MOXD1: variants seen among roughly 807,000 people sequenced by gnomAD.
The protein encoded by MOXD1 is DBH-like monooxygenase protein 1.
A neutral mutation model predicts 66.6 loss-of-function variants in MOXD1; 62 were observed. The observed-to-expected ratio is 0.93, with a 90% CI of 0.76 to 1.15. The LOEUF is 1.15. Among genes scored for constraint, MOXD1 ranks in the 50% most tolerant of loss-of-function variants. The pLI, the probability that MOXD1 is intolerant of heterozygous loss-of-function variation, is 0.00. For synonymous variants in MOXD1, 303 were observed against 281.9 expected (o/e 1.07, Z -0.75); for missense variants, 847 against 754.6 (o/e 1.12, Z -1.44).
intron 1 of MOXD1, among the ~76,000 whole-genome samples, chr6:132,383,777 A>T (rs1375045921): frequency 6.6e-6 from 1 of 152,194 alleles, no homozygotes; most frequent in Admixed American, 6.5e-5. Flanking sequence ...TTTTTAAAAA[A>T]TTTGGATGAT....
At chr6:132,363,794 C>A (rs1489647074) in intron 4 of MOXD1, among the ~76,000 whole-genome samples, 1 of 152,146 alleles carries the variant, frequency 6.6e-6, no homozygotes, top group Non-Finnish European at 1.5e-5. Flanking sequence ...TACTTCCTTG[C>A]ATGTAAGTAA....
At chr6:132,386,228 C>G (rs1265345009) in intron 1 of MOXD1, among the ~76,000 whole-genome samples, 5 of 146,412 alleles carry the variant, frequency 3.4e-5, no homozygotes, top group Admixed American at 2.1e-4. Flanking sequence ...CGGTGAAACC[C>G]CGTCTCTACT....
intron 4 of MOXD1, among the ~76,000 whole-genome samples, chr6:132,347,409 G>A (rs1775688528): frequency 6.6e-6 from 1 of 152,172 alleles, no homozygotes; most frequent in Admixed American, 6.5e-5. Flanking sequence ...GGGTGTAGTG[G>A]CTCACATCTG....
intron 4 of MOXD1, among the ~76,000 whole-genome samples, chr6:132,348,752 T>C (rs1465275238): frequency 1.3e-5 from 2 of 152,174 alleles, no homozygotes; most frequent in Non-Finnish European, 2.9e-5. Flanking sequence ...GCCAATCTCT[T>C]TTCTTGGCAG....
chr6:132,333,663 C>T (rs1445486427), intron 4 of MOXD1, among the ~76,000 whole-genome samples: 1 of 152,120 alleles, frequency 6.6e-6, no homozygotes, highest in South Asian at 2.1e-4. Flanking sequence ...GGAGGCAAGA[C>T]ACAAACATGG....
chr6:132,305,956 TC>T (rs1319881076), intron 10 of MOXD1, among the ~76,000 whole-genome samples: 1 of 152,078 alleles, frequency 6.6e-6, no homozygotes, highest in African/African-American at 2.4e-5. Flanking sequence ...GTGCCTCTTC[TC>T]CTCCAAATGA....
chr6:132,300,466 A>G (rs1774507379), intron 10 of MOXD1, among the ~76,000 whole-genome samples: 2 of 152,202 alleles, frequency 1.3e-5, no homozygotes, highest in South Asian at 4.1e-4. Flanking sequence ...AATCAATTTT[A>G]TAACCAGATA....
At chr6:132,350,365 C>A (rs887857611) in intron 4 of MOXD1, among the ~76,000 whole-genome samples, 1 of 152,138 alleles carries the variant, frequency 6.6e-6, no homozygotes, top group Non-Finnish European at 1.5e-5. Context: ...ATCTCAGCAC[C>A]ATTTGTTGAA....
At chr6:132,349,569 G>C (rs1460975867) in intron 4 of MOXD1, among the ~76,000 whole-genome samples, 1 of 150,070 alleles carries the variant, frequency 6.7e-6, no homozygotes, top group Non-Finnish European at 1.5e-5. Flanking sequence ...TGCGAAATGT[G>C]CCGCTATAAA....
rs117648836 is a variant in MOXD1, at chr6:132,374,177, A to G, written c.411+454T>C. On this transcript the variant is annotated intron_variant, in intron 2 of 11. Coordinates refer to ENST00000367963, the MANE Select transcript of MOXD1 (RefSeq NM_015529.4). ...ATAAGAAATCTCATTTAATATACCAATAGGCAATTATAATCAGCCACCTAT... is the reference window on the plus strand; with the variant it reads ...ATAAGAAATCTCATTTAATATACCAGTAGGCAATTATAATCAGCCACCTAT... 5.4e-3 allele frequency among the ~76,000 whole-genome samples: 816 copies of G among 152,358 alleles called. 5 individuals are homozygous for G. The highest frequency in any genetic ancestry group is 9.4e-3 in the Non-Finnish European group (640 of 68,016).
intron 1 of MOXD1, 43 bp downstream of exon 1, chr6:132,401,120 G>C (rs1198603554): frequency 1.6e-5 from 24 of 1,458,128 alleles, no homozygotes; most frequent in Non-Finnish European, 2.1e-5. Context: ...GTCCGGACGG[G>C]ACCGGGCTCG....
At chr6:132,359,481 TC>T (rs1356154763) in intron 4 of MOXD1, among the ~76,000 whole-genome samples, 1 of 148,664 alleles carries the variant, frequency 6.7e-6, no homozygotes, top group Non-Finnish European at 1.5e-5. Flanking sequence ...GTTTTTTTTT[TC>T]TTTTTCTTTT....
chr6:132,384,234 C>T (rs1419975558), intron 1 of MOXD1, among the ~76,000 whole-genome samples: 1 of 111,174 alleles, frequency 9.0e-6, no homozygotes, highest in Admixed American at 9.2e-5. Context: ...TCCTTCCTCC[C>T]TCCCTCTCTT....
At chr6:132,349,780 A>G (rs1775766456) in intron 4 of MOXD1, among the ~76,000 whole-genome samples, 1 of 151,586 alleles carries the variant, frequency 6.6e-6, no homozygotes, top group Admixed American at 6.6e-5. Context: ...CCACACCAAC[A>G]TCTCCTGTTT....
chr6:132,389,674 T>G (rs953267714), intron 1 of MOXD1, among the ~76,000 whole-genome samples: 1 of 151,382 alleles, frequency 6.6e-6, no homozygotes, highest in African/African-American at 2.4e-5. Flanking sequence ...AAAGTATCTT[T>G]CCCAGTTCTC....
At chr6:132,326,670 C>T (rs1310025994) in intron 6 of MOXD1, among the ~76,000 whole-genome samples, 1 of 151,940 alleles carries the variant, frequency 6.6e-6, no homozygotes, top group Non-Finnish European at 1.5e-5. Context: ...GGTTATTTTG[C>T]TTGGTTTATG....
intron 4 of MOXD1, among the ~76,000 whole-genome samples, chr6:132,350,338 C>T (rs1224244834): frequency 2.0e-5 from 3 of 152,202 alleles, no homozygotes; most frequent in African/African-American, 7.2e-5. Context: ...CACTCTCCTA[C>T]ATGTGGCTAG....
In MOXD1 at chr6:132,399,809, A is replaced by T. The variant is rs559255378; in HGVS notation, c.264+1354T>A. 1.4e-4 allele frequency among the ~76,000 whole-genome samples: 21 copies of T among 152,342 alleles called. No homozygotes were observed. The South Asian group carries it at 4.4e-3, about 32-fold the overall frequency. On this transcript the variant is annotated intron_variant, in intron 1 of 11. Coordinates refer to ENST00000367963, the MANE Select transcript of MOXD1 (RefSeq NM_015529.4). Reference sequence around the variant, plus strand: ...AAAACGTTAAATAGGTATTTAAATAAGGTATTGTCTACTTTATATTACAGG... The same window carrying T: ...AAAACGTTAAATAGGTATTTAAATATGGTATTGTCTACTTTATATTACAGG...
chr6:132,319,594 A>T (rs1021521556), intron 9 of MOXD1, among the ~76,000 whole-genome samples: 1 of 151,960 alleles, frequency 6.6e-6, no homozygotes, highest in South Asian at 2.1e-4. Context: ...TGATGCAGAA[A>T]ATTACAGTAT....
Sources: gnomAD v4.1 joint callset for allele counts (sites outside exome capture counted in the v4.1 genomes callset) on GRCh38, gnomAD v4.1.1 for gene constraint, MANE v1.5 for transcripts, NCBI Gene and HGNC (gene_info 2026-07-23, HGNC 2026-07-21) for gene names.